Variants in ADAMTS7 observed in about 807,000 individuals in gnomAD.
ADAMTS7 encodes the protein A disintegrin and metalloproteinase with thrombospondin motifs 7.
A neutral mutation model predicts 172.6 loss-of-function variants in ADAMTS7; 89 were observed. That is an observed-to-expected ratio of 0.52 (90% CI 0.43 to 0.61). The LOEUF (loss-of-function observed/expected upper bound fraction) is 0.61, where lower values mean the gene tolerates loss of function less well. Among genes scored for constraint, ADAMTS7 ranks in the 20% least tolerant of loss-of-function variants. The pLI, the probability that ADAMTS7 is intolerant of heterozygous loss-of-function variation, is 0.00. For missense variants in ADAMTS7, 1,973 were observed against 2,355.6 expected, an observed-to-expected ratio of 0.84 and a Z score of 3.36; for synonymous variants, 885 against 978.4, an observed-to-expected ratio of 0.90 and a Z score of 1.78.
chr15:78,765,208 C>A (rs1313399275), intron 19 of ADAMTS7: 1 of 237,986 alleles, frequency 4.2e-6, no homozygotes, highest in African/African-American at 2.3e-5. Flanking sequence ...GGGGCACTAG[C>A]CAGCTTCTTT....
At chr15:78,788,141 C>A in intron 8 of ADAMTS7, 90 bp downstream of exon 8, 1 of 1,539,112 alleles carries the variant, frequency 6.5e-7, no homozygotes, top group South Asian at 1.2e-5. Flanking sequence ...TTCCCTCTAC[C>A]CCGGCCCTGC....
chr15:78,787,833 T>C (rs1044505361), intron 8 of ADAMTS7, among the ~76,000 whole-genome samples: 3 of 152,174 alleles, frequency 2.0e-5, no homozygotes, highest in African/African-American at 7.2e-5. Flanking sequence ...ACGCAGCCTT[T>C]GCTCCCATAG....
At chr15:78,765,381 G>A (rs4243085) in intron 19 of ADAMTS7, among the ~76,000 whole-genome samples, 1 of 152,134 alleles carries the variant, frequency 6.6e-6, no homozygotes, top group South Asian at 2.1e-4. Flanking sequence ...TGCGGGGACC[G>A]TCCCCACTGC....
chr15:78,803,038 G>T (rs1443178863), intron 1 of ADAMTS7, among the ~76,000 whole-genome samples: 1 of 151,980 alleles, frequency 6.6e-6, no homozygotes, highest in East Asian at 1.9e-4. Flanking sequence ...GGAGTACCAA[G>T]GAAATTGATT....
Position 78,798,010 on chromosome 15 carries a change from T to G in ADAMTS7, c.560A>C (p.Gln187Pro), listed in dbSNP as rs2055669624. The G allele has an allele frequency of 1.3e-6, 2 of 1,586,162 alleles. No individual in the cohort carries two copies. The highest frequency in any genetic ancestry group is 1.7e-6 in the Non-Finnish European group (2 of 1,169,470). Residue 187 changes from glutamine to proline, a missense_variant, in exon 3 of 24, where the codon CAG becomes CCG. Around this residue, in one of 8 missense-constraint regions of ADAMTS7, gnomAD observed 306 missense variants for 288.0 expected, o/e 1.06. Transcript: ENST00000388820. ...CCGCTGTGCCAGCCTCTCCGGGGCC[T>G]GACGCTTGTACACCACATGGGGCTG... ...HAQPHVVYKR[Q>P]APERLAQRGD...
chr15:78,760,369 C>T (rs2055023835), intron 23 of ADAMTS7, among the ~76,000 whole-genome samples: 1 of 152,170 alleles, frequency 6.6e-6, no homozygotes, highest in Non-Finnish European at 1.5e-5. Flanking sequence ...CCACCCGGGC[C>T]CTGCTTACTC....
chr15:78,766,598 G>C lies in ADAMTS7; in HGVS notation c.3313C>G (p.Pro1105Ala). Reference sequence around the variant, plus strand: ...GCAGGCACGGGGCTACCCGTGGAGGGCGCAGCAGGATGGCTGTGTGGTGGG... The same window carrying C: ...GCAGGCACGGGGCTACCCGTGGAGGCCGCAGCAGGATGGCTGTGTGGTGGG... ...TPPPHSHPAA[P>A]STGSPVPATE... Residue 1105 changes from proline to alanine, a missense_variant, in exon 19 of 24, where the codon CCC becomes GCC. This residue lies in a region of ADAMTS7 where 771 missense variants were observed against 952.6 expected (regional missense o/e 0.81). Coordinates refer to ENST00000388820, the MANE Select transcript of ADAMTS7 (RefSeq NM_014272.5). 7.5e-6 allele frequency: 12 copies of C among 1,605,928 alleles called. No individual in the cohort carries two copies. Among genetic ancestry groups the C allele is most frequent in the Non-Finnish European group, 1.0e-5 (12 of 1,177,588 alleles).
At chr15:78,761,699 C>G (rs1485323056) in intron 23 of ADAMTS7, among the ~76,000 whole-genome samples, 1 of 152,128 alleles carries the variant, frequency 6.6e-6, no homozygotes, top group African/African-American at 2.4e-5. Context: ...CCGGGAGCAG[C>G]TGGGGCTGCA....
chr15:78,762,175 A>G (rs1265054958), intron 23 of ADAMTS7: 10 of 822,146 alleles, frequency 1.2e-5, no homozygotes, highest in East Asian at 1.2e-4. Flanking sequence ...ACAGCTGCCT[A>G]TGGGATGTTG....
intron 4 of ADAMTS7, among the ~76,000 whole-genome samples, chr15:78,795,670 GCCC>G (rs2055633397): frequency 6.6e-6 from 1 of 152,130 alleles, no homozygotes; most frequent in Non-Finnish European, 1.5e-5. Context: ...CACTTACCTT[GCCC>G]CCAACAACCC....
rs757163080 is a variant in ADAMTS7 at position 78,800,306 on chromosome 15, G to T, written c.342C>A (p.Gly114=). Reference sequence around the variant, plus strand: ...CCCGGATGTGCGCGCGGCCCAGGCCGCCGCGCCGCCGCGTCTCGCTCACAA... The same window carrying T: ...CCCGGATGTGCGCGCGGCCCAGGCCTCCGCGCCGCCGCGTCTCGCTCACAA... ...PGFVSETRRR[G]GLGRAHIRAH... is the part of the protein sequence containing the mutation. Residue 114 remains glycine, a synonymous_variant, in exon 2 of 24, where the codon GGC becomes GGA. Transcript: ENST00000388820. 1 of 1,587,414 alleles carries T rather than the reference G, an allele frequency of 6.3e-7. No individual in the cohort carries two copies. Among genetic ancestry groups the T allele is most frequent in the Admixed American group, 1.8e-5 (1 of 56,884 alleles).
At chr15:78,799,496 C>G (rs1351856282) in intron 2 of ADAMTS7, among the ~76,000 whole-genome samples, 1 of 130,298 alleles carries the variant, frequency 7.7e-6, no homozygotes, top group Non-Finnish European at 1.9e-5. Flanking sequence ...CTGATTCGAG[C>G]AGAGGGGCTG....
chr15:78,759,486 G>T lies in ADAMTS7; in HGVS notation c.4996C>A (p.Arg1666Ser). Residue 1666 changes from arginine to serine, a missense_variant, in exon 24 of 24, where the codon CGC (arginine) becomes AGC (serine). Transcript: ENST00000388820. ...CCGTGGCTGGGCGGAGAGCACGAGC[G>T]GCAGCACTGGGTGCGGATGGTGGGC... Reference protein sequence around the residue: ...QLPTIRTQCCRSCSPPSHGAP... With the variant: ...QLPTIRTQCCSSCSPPSHGAP... 1 of 1,597,136 alleles carries T rather than the reference G, an allele frequency of 6.3e-7. No individual in the cohort carries two copies. The highest frequency in any genetic ancestry group is 8.5e-7 in the Non-Finnish European group (1 of 1,177,394).
intron 11 of ADAMTS7, 126 bp from the exon 12 acceptor site, chr15:78,774,919 C>A (rs539727961): frequency 8.3e-7 from 1 of 1,208,222 alleles, no homozygotes; most frequent in Non-Finnish European, 1.1e-6. Context: ...GCTTTGTGCA[C>A]GCTGCTCCCC....
At chr15:78,795,674 C>T (rs1255915460) in intron 4 of ADAMTS7, among the ~76,000 whole-genome samples, 3 of 152,184 alleles carry the variant, frequency 2.0e-5, no homozygotes, top group Admixed American at 2.0e-4. Flanking sequence ...TACCTTGCCC[C>T]CAACAACCCA....
intron 1 of ADAMTS7, among the ~76,000 whole-genome samples, chr15:78,806,753 T>C (rs530327203): frequency 7.6e-4 from 115 of 150,534 alleles, no homozygotes; most frequent in Non-Finnish European, 1.4e-3. Flanking sequence ...GGCTTGTTTT[T>C]GTTTTGTTTT....
chr15:78,799,843 T>C (rs563548721), intron 2 of ADAMTS7, among the ~76,000 whole-genome samples: 1 of 151,724 alleles, frequency 6.6e-6, no homozygotes, highest in South Asian at 2.1e-4. Flanking sequence ...CTTTCTTTTT[T>C]TTTTTTTGAG....
In ADAMTS7 at chr15:78,771,774, C is replaced by A; in HGVS notation, c.2187G>T (p.Glu729Asp). Residue 729 changes from glutamate (E) to aspartate (D), a missense_variant, in exon 15 of 24, where the codon GAG becomes GAT. This residue lies in a region of ADAMTS7 where 771 missense variants were observed against 952.6 expected (regional missense o/e 0.81). Coordinates refer to ENST00000388820, the MANE Select transcript of ADAMTS7 (RefSeq NM_014272.5). This position sits in a 1 kb window ranked among gnomAD's most constrained non-coding sequence, Gnocchi z 4.9. ...PAGAREIRIQ[E>D]VAEAANFLAL... ...CCAGGAAGTTGGCAGCCTCGGCAACCTCTTGGATGCGGATCTCGCGTGCGC... is the reference window on the plus strand; with the variant it reads ...CCAGGAAGTTGGCAGCCTCGGCAACATCTTGGATGCGGATCTCGCGTGCGC... 1.2e-6 allele frequency: 2 copies of A among 1,612,756 alleles called. No homozygotes were observed. The highest frequency in any genetic ancestry group is 1.7e-6 in the Non-Finnish European group (2 of 1,180,018).
chr15:78,759,672 G>A, intron 23 of ADAMTS7, 94 bp from the exon 24 acceptor site: 1 of 1,356,576 alleles, frequency 7.4e-7, no homozygotes, highest in Non-Finnish European at 9.6e-7. Flanking sequence ...GGCTCCAGCA[G>A]CTCCCCACCA....
Sources: allele counts gnomAD v4.1 joint callset (sites outside exome capture counted in the v4.1 genomes callset), GRCh38; gene constraint gnomAD v4.1.1; regional missense constraint gnomAD v4.1.1; non-coding constraint Gnocchi (gnomAD v3.1); transcripts MANE v1.5; gene names NCBI Gene and HGNC (gene_info 2026-07-23, HGNC 2026-07-21).